Variants in ITPRID1 observed in about 807,000 individuals in gnomAD.
ITPRID1 encodes the protein ITPR interacting domain containing 1.
In ITPRID1, 96 loss-of-function variants were observed where a neutral mutation model predicts 95.4. The ratio of observed to expected loss-of-function variants is 1.01; its 90% CI spans 0.85 to 1.19. The LOEUF is 1.19. Ranked by LOEUF, ITPRID1 falls within the 50% of genes most tolerant of loss-of-function variation. The pLI is 0.00. For synonymous variants in ITPRID1, 510 were observed against 453.6 expected, an observed-to-expected ratio of 1.12 and a Z score of -1.58; for missense variants, 1,339 against 1,252.9, an observed-to-expected ratio of 1.07 and a Z score of -1.04.
intron 2 of ITPRID1, among the ~76,000 whole-genome samples, chr7:31,551,333 T>C (rs1454103669): frequency 2.1e-5 from 3 of 143,496 alleles, no homozygotes; most frequent in African/African-American, 7.4e-5. Flanking sequence ...TTTTTAAAGG[T>C]TATTTTGTTT....
intron 10 of ITPRID1, among the ~76,000 whole-genome samples, chr7:31,615,879 G>T (rs766953143): frequency 6.6e-6 from 1 of 151,222 alleles, no homozygotes; most frequent in Non-Finnish European, 1.5e-5. Context: ...TCAGCCTCCC[G>T]AGTACCTGGG....
In ITPRID1 at chr7:31,521,859, G is replaced by A. The variant is rs191913332; in HGVS notation, c.-98+7739G>A. Among the ~76,000 whole-genome samples the A allele has an allele frequency of 3.9e-3, 589 of 150,382 alleles. 3 individuals carry two copies. The highest frequency in any genetic ancestry group is 0.01 in the African/African-American group (411 of 40,848). ...CCATCTCAGCCCCCACCACTTACCCGAGTAGCTAGGACTACAGGCATGGAC... is the reference window on the plus strand; with the variant it reads ...CCATCTCAGCCCCCACCACTTACCCAAGTAGCTAGGACTACAGGCATGGAC... On this transcript the variant is annotated intron_variant, in intron 1 of 14. Coordinates refer to ENST00000615280, the MANE Select transcript of ITPRID1 (RefSeq NM_001257967.3).
At chr7:31,642,652 T>C in intron 11 of ITPRID1, 30 bp from the exon 12 acceptor site, 4 of 1,596,204 alleles carry the variant, frequency 2.5e-6, no homozygotes, top group Non-Finnish European at 3.4e-6. Flanking sequence ...CTTCCTGACC[T>C]GTTTCCCTTT....
intron 5 of ITPRID1, among the ~76,000 whole-genome samples, chr7:31,564,987 C>T (rs1219845257): frequency 6.6e-6 from 1 of 152,072 alleles, no homozygotes; most frequent in Non-Finnish European, 1.5e-5. Flanking sequence ...AGGACCTGGC[C>T]CTGACAAACA....
chr7:31,525,129 C>T (rs1019084112), intron 1 of ITPRID1, among the ~76,000 whole-genome samples: 4 of 152,158 alleles, frequency 2.6e-5, no homozygotes, highest in African/African-American at 9.7e-5. Context: ...TTAACCCCTA[C>T]AATAATTCTG....
At chr7:31,594,583 G>A (rs941604288) in intron 10 of ITPRID1, among the ~76,000 whole-genome samples, 10 of 152,280 alleles carry the variant, frequency 6.6e-5, no homozygotes, top group African/African-American at 2.4e-4. Flanking sequence ...TTGGCTGGGT[G>A]TGGTGGCTCA....
chr7:31,538,586 A>C (rs1455604507), intron 1 of ITPRID1, among the ~76,000 whole-genome samples: 1 of 152,204 alleles, frequency 6.6e-6, no homozygotes, highest in Non-Finnish European at 1.5e-5. Flanking sequence ...GACATTAACA[A>C]ATTTAAAATA....
chr7:31,592,716 T>C lies in ITPRID1; in HGVS notation c.1228+9525T>C, dbSNP rs1004202759. 2.0e-5 allele frequency among the ~76,000 whole-genome samples: 3 copies of C among 152,128 alleles called. No individual in the cohort carries two copies. In the East Asian group the frequency reaches 5.8e-4, roughly 29 times the overall value. ...GGCAGAGCTTAGGTGGTAATCCCCA[T>C]TTGCCCATTCACCGCTCACCTCCTA... On this transcript the variant is annotated intron_variant, in intron 10 of 14. Transcript: ENST00000615280.
chr7:31,616,269 TTC>T (rs1400919745), intron 10 of ITPRID1, among the ~76,000 whole-genome samples: 1 of 152,216 alleles, frequency 6.6e-6, no homozygotes, highest in Admixed American at 6.5e-5. Context: ...TATTGCTAAT[TTC>T]TCTCTCTAAA....
In ITPRID1 at chr7:31,555,991, A is replaced by T. The variant is rs148459440; in HGVS notation, c.256+1090A>T. Among the ~76,000 whole-genome samples the T allele has an allele frequency of 1.6e-3, 245 of 152,238 alleles. 3 individuals are homozygous for T. The highest frequency in any genetic ancestry group is 5.8e-3 in the African/African-American group (240 of 41,550). ...TACCTCTCTGCTCATAATAATTCAG[A>T]CTCAAGGAAAAGCAAAAACTTCAGA... On this transcript the variant is annotated intron_variant, in intron 5 of 14. Transcript: ENST00000615280.
chr7:31,646,209 G>A (rs1790452359), intron 12 of ITPRID1, among the ~76,000 whole-genome samples: 1 of 152,084 alleles, frequency 6.6e-6, no homozygotes, highest in South Asian at 2.1e-4. Flanking sequence ...GGTTTTTCTA[G>A]ACCTGTTTAA....
At chr7:31,598,235 C>T (rs1181567515) in intron 10 of ITPRID1, among the ~76,000 whole-genome samples, 1 of 152,022 alleles carries the variant, frequency 6.6e-6, no homozygotes, top group African/African-American at 2.4e-5. Context: ...AAAGTACACA[C>T]TCTAAAAAGA....
chr7:31,552,214 C>A (rs1396301729), intron 2 of ITPRID1, among the ~76,000 whole-genome samples: 1 of 142,800 alleles, frequency 7.0e-6, no homozygotes, highest in Non-Finnish European at 1.6e-5. Context: ...GTAATATATT[C>A]ATAAATATTT....
chr7:31,606,674 A>G (rs1786640441), intron 10 of ITPRID1, among the ~76,000 whole-genome samples: 1 of 152,228 alleles, frequency 6.6e-6, no homozygotes. Flanking sequence ...TCAAATATCA[A>G]TATCAAATAT....
intron 10 of ITPRID1, among the ~76,000 whole-genome samples, chr7:31,598,558 C>T (rs905252146): frequency 1.3e-5 from 2 of 151,844 alleles, no homozygotes; most frequent in Non-Finnish European, 2.9e-5. Flanking sequence ...CGCCCGCTAC[C>T]ACGCCCGGCT....
intron 13 of ITPRID1, 84 bp downstream of exon 13, chr7:31,651,353 A>G (rs1336422560): frequency 1.4e-6 from 2 of 1,453,250 alleles, no homozygotes; most frequent in Non-Finnish European, 1.8e-6. Context: ...ACAGAGGAGC[A>G]CCCTGGAGCA....
chr7:31,552,358 C>T (rs1403578005), intron 2 of ITPRID1, among the ~76,000 whole-genome samples: 2 of 102,472 alleles, frequency 2.0e-5, no homozygotes, highest in Non-Finnish European at 4.9e-5. Context: ...CTTCAATTTA[C>T]CATAAAATTG....
intron 10 of ITPRID1, among the ~76,000 whole-genome samples, chr7:31,629,393 C>T (rs996938329): frequency 6.6e-6 from 1 of 152,136 alleles, no homozygotes; most frequent in African/African-American, 2.4e-5. Context: ...CTGATTACTC[C>T]ATGCCACGAA....
At chr7:31,543,526 A>G (rs551127871) in intron 1 of ITPRID1, among the ~76,000 whole-genome samples, 45 of 152,050 alleles carry the variant, frequency 3.0e-4, no homozygotes, top group Non-Finnish European at 5.4e-4. Context: ...CATTTTTCTG[A>G]TGATAAATTG....
Sources: gnomAD v4.1 joint callset for allele counts (sites outside exome capture counted in the v4.1 genomes callset) on GRCh38, gnomAD v4.1.1 for gene constraint, MANE v1.5 for transcripts, NCBI Gene and HGNC (gene_info 2026-07-23, HGNC 2026-07-21) for gene names.